PKDCC: variants seen among roughly 807,000 people sequenced by gnomAD.
PKDCC encodes protein kinase domain containing, cytoplasmic.
In PKDCC, 35 loss-of-function variants were observed where a neutral mutation model predicts 44.7. The ratio of observed to expected loss-of-function variants is 0.78; its 90% CI spans 0.60 to 1.04. PKDCC has a LOEUF of 1.04. Ranked by LOEUF, PKDCC falls within the 50% of genes least tolerant of loss-of-function variation. The probability of loss-of-function intolerance (pLI) is 0.00; values close to 1 mark genes in which losing one functional copy is unlikely to be tolerated. For missense variants in PKDCC, 738 were observed against 672.7 expected, an observed-to-expected ratio of 1.10 and a Z score of -1.07; for synonymous variants, 353 against 303.3, an observed-to-expected ratio of 1.16 and a Z score of -1.70.
chr2:42,053,034 G>A (rs1667994353), intron 1 of PKDCC, among the ~76,000 whole-genome samples: 1 of 152,256 alleles, frequency 6.6e-6, no homozygotes, highest in Admixed American at 6.5e-5. Context: ...CGGAAGGGGT[G>A]AGGGGCTGAC....
At position 42,048,526 on chromosome 2, in the gene PKDCC, C is replaced by G; in HGVS notation, c.327C>G (p.Ser109=). The G allele has an allele frequency of 8.2e-7, 1 of 1,212,340 alleles. No individual in the cohort carries two copies. The highest frequency in any genetic ancestry group is 1.0e-6 in the Non-Finnish European group (1 of 980,256). 75.1% of individuals were successfully genotyped at this position (1,212,340 alleles called of 1,614,324 possible). ...RPRPPWARPL[S]DGAPGWPPAP... ...GGCCCCCTTGGGCCCGGCCCCTGTC[C>G]GACGGCGCCCCAGGCTGGCCCCCGG... The change falls in exon 1 of 7, where the codon TCC becomes TCG. Residue 109 remains serine (S), a synonymous_variant. Coordinates refer to ENST00000294964, the MANE Select transcript of PKDCC (RefSeq NM_138370.3). The surrounding 1 kb of genome is among the most constrained non-coding windows in gnomAD (Gnocchi z 6.2).
chr2:42,053,429 C>T, intron 2 of PKDCC, 68 bp downstream of exon 2: 2 of 1,521,792 alleles, frequency 1.3e-6, no homozygotes, highest in African/African-American at 1.4e-5. Context: ...AAGGCCAGCC[C>T]TCCAAAGCAG....
chr2:42,049,684 A>C (rs1667935170), intron 1 of PKDCC, among the ~76,000 whole-genome samples: 1 of 152,142 alleles, frequency 6.6e-6, no homozygotes, highest in Non-Finnish European at 1.5e-5. Flanking sequence ...GCGAGAGCTG[A>C]AACCCCCACC....
rs1411726444 is a variant in PKDCC at position 42,054,082 on chromosome 2, C to T, written c.809C>T (p.Pro270Leu). Residue 270 changes from proline to leucine, a missense_variant, in exon 3 of 7, where the codon CCA becomes CTA. Physicochemically the swap from Pro to Leu is moderately conservative, Grantham distance 98. Coordinates refer to ENST00000294964, the MANE Select transcript of PKDCC (RefSeq NM_138370.3). The surrounding 1 kb of genome is among the most constrained non-coding windows in gnomAD (Gnocchi z 6.1). ...CTCCTCCACCACCTGGCCCACTCCCCACTGGGCTCCGTCACTCTGCTGGAC... is the reference window on the plus strand; with the variant it reads ...CTCCTCCACCACCTGGCCCACTCCCTACTGGGCTCCGTCACTCTGCTGGAC... ...GRLLHHLAHSPLGSVTLLDFR... is the reference protein window; with the variant it reads ...GRLLHHLAHSLLGSVTLLDFR... 2 of 1,612,522 alleles carry T rather than the reference C, an allele frequency of 1.2e-6. No homozygotes were observed. Among genetic ancestry groups the T allele is most frequent in the Non-Finnish European group, 1.7e-6 (2 of 1,179,880 alleles).
chr2:42,048,548 C>G lies in PKDCC; in HGVS notation c.349C>G (p.Pro117Ala). 2 of 1,267,744 alleles carry G rather than the reference C, an allele frequency of 1.6e-6. No individual in the cohort carries two copies. Among genetic ancestry groups the G allele is most frequent in the Non-Finnish European group, 9.9e-7 (1 of 1,014,570 alleles). 78.5% of individuals were successfully genotyped at this position (1,267,744 alleles called of 1,614,324 possible). A position where few individuals can be genotyped will look rare whatever the true frequency, so the allele number is the denominator to read the frequency against. The change falls in exon 1 of 7, where the codon CCG becomes GCG. Residue 117 changes from proline (P) to alanine (A), a missense_variant. By Grantham distance (27) the Pro-to-Ala change is conservative (BLOSUM62 -1). Coordinates refer to ENST00000294964, the MANE Select transcript of PKDCC (RefSeq NM_138370.3). This position sits in a 1 kb window ranked among gnomAD's most constrained non-coding sequence, Gnocchi z 6.2. ...GTCCGACGGCGCCCCAGGCTGGCCC[C>G]CGGCTCCCGGCCCAGGCTCCCCCGG... ...PLSDGAPGWP[P>A]APGPGSPGPG...
chr2:42,053,373 G>A lies in PKDCC; in HGVS notation c.762+12G>A, dbSNP rs1250271027. The A allele has an allele frequency of 1.2e-6, 2 of 1,605,148 alleles. No homozygotes were observed. Among genetic ancestry groups the A allele is most frequent in the Non-Finnish European group, 1.7e-6 (2 of 1,175,544 alleles). On this transcript the variant is annotated intron_variant, in intron 2 of 6. Transcript: ENST00000294964. ...AGGATCGATTCCGAGTGAGCTCAGA[G>A]GAGGGCTCGGGCCCTGGGCTCCTTG...
chr2:42,049,594 G>C (rs1022324700), intron 1 of PKDCC, among the ~76,000 whole-genome samples: 1 of 152,174 alleles, frequency 6.6e-6, no homozygotes, highest in Non-Finnish European at 1.5e-5. Flanking sequence ...AGATAGCCAA[G>C]AGGCTGGAAG....
Position 42,048,424 on chromosome 2 carries a change from CG to C in PKDCC, c.228del (p.Ala79ArgfsTer9). 8.9e-7 allele frequency: 1 copy of C among 1,117,352 alleles called. No individual in the cohort carries two copies. The highest frequency in any genetic ancestry group is 1.1e-6 in the Non-Finnish European group (1 of 918,342). The allele number at this position is 1,117,352 out of a possible 1,614,324, so 69.2% of individuals were successfully genotyped here. A position where few individuals can be genotyped will look rare whatever the true frequency, so the allele number is the denominator to read the frequency against. ...TGCAGCGCTATTCCCGCGGGGGCCC[CG>C]GGCCCGGGGCGGGCCGGCCGGAGCG... is the stretch of plus-strand genomic sequence containing the variant. ...EVQRYSRGGP[G>X]PGAGRPERRR... On this transcript the variant is annotated frameshift_variant, in exon 1 of 7. Transcript: ENST00000294964. LOFTEE classifies it high-confidence loss of function. The surrounding 1 kb of genome is among the most constrained non-coding windows in gnomAD (Gnocchi z 6.2).
In PKDCC at chr2:42,055,662, A is replaced by G. The variant is rs1026370095; in HGVS notation, c.1222+269A>G. The G allele has an allele frequency of 4.7e-6, 2 of 427,238 alleles. No individual in the cohort carries two copies. Among genetic ancestry groups the G allele is most frequent in the East Asian group, 4.1e-5 (1 of 24,298 alleles). The allele number at this position is 427,238 out of a possible 1,614,324, so 26.5% of individuals were successfully genotyped here. A position where few individuals can be genotyped will look rare whatever the true frequency, so the allele number is the denominator to read the frequency against. ...TGGATGGCTCCAAACCCTATCATGT[A>G]CTGGCTATATGACTTTGAGCAAGTT... On this transcript the variant is annotated intron_variant, in intron 5 of 6. Transcript: ENST00000294964. This position sits in a 1 kb window ranked among gnomAD's most constrained non-coding sequence, Gnocchi z 4.5.
intron 1 of PKDCC, among the ~76,000 whole-genome samples, chr2:42,050,370 T>C (rs1225464932): frequency 6.6e-6 from 1 of 151,266 alleles, no homozygotes; most frequent in Non-Finnish European, 1.5e-5. Context: ...AGTGGAGAGG[T>C]CTTGAGTGAC....
At position 42,048,277 on chromosome 2, in the gene PKDCC, C is replaced by A; in HGVS notation, c.78C>A (p.Phe26Leu). The A allele has an allele frequency of 3.9e-6, 5 of 1,278,986 alleles. No individual in the cohort carries two copies. Among genetic ancestry groups the A allele is most frequent in the Non-Finnish European group, 4.0e-6 (4 of 1,006,328 alleles). 79.2% of individuals were successfully genotyped at this position (1,278,986 alleles called of 1,614,324 possible). ...TGGGCTCCGTCCTCAACGTGCTCTT[C>A]GCTCCGGGCTCGGAGCCTCCGAGGC... ...FLLGSVLNVL[F>L]APGSEPPRPG... Residue 26 changes from phenylalanine (F) to leucine (L), a missense_variant, in exon 1 of 7, where the codon TTC becomes TTA. Transcript: ENST00000294964. This position sits in a 1 kb window ranked among gnomAD's most constrained non-coding sequence, Gnocchi z 6.2.
chr2:42,049,415 G>T (rs547143931), intron 1 of PKDCC, among the ~76,000 whole-genome samples: 4 of 152,170 alleles, frequency 2.6e-5, no homozygotes, highest in African/African-American at 9.6e-5. Context: ...ACTGGAAGGG[G>T]GCTGGGGAGC....
At position 42,048,759 on chromosome 2, in the gene PKDCC, G is replaced by A. The variant is rs765504841; in HGVS notation, c.560G>A (p.Gly187Asp). The part of the protein sequence containing the change: ...SCVREFGVRR[G>D]CYRLAAHKLL... ...GTGCGCGAGTTCGGGGTACGGAGGG[G>A]CTGCTATCGGCTGGCGGCCCACAAG... Residue 187 changes from glycine to aspartate, a missense_variant, in exon 1 of 7, where the codon GGC (glycine) becomes GAC (aspartate). Gly to Asp is a moderately conservative substitution (Grantham distance 94). Coordinates refer to ENST00000294964, the MANE Select transcript of PKDCC (RefSeq NM_138370.3). This position sits in a 1 kb window ranked among gnomAD's most constrained non-coding sequence, Gnocchi z 6.2. 1.9e-6 allele frequency: 3 copies of A among 1,579,036 alleles called. No individual in the cohort carries two copies. Among genetic ancestry groups the A allele is most frequent in the South Asian group, 1.1e-5 (1 of 87,320 alleles).
At chr2:42,056,763 A>AAAAAAAAAAG (rs1161692704) in intron 5 of PKDCC, among the ~76,000 whole-genome samples, 1 of 149,380 alleles carries the variant, frequency 6.7e-6, no homozygotes, top group South Asian at 2.1e-4. Context: ...GACCCCATCA[A>AAAAAAAAAAG]AAAAAAAAAG....
chr2:42,053,924 A>G lies in PKDCC; in HGVS notation c.763-112A>G, dbSNP rs1668009694. On this transcript the variant is annotated intron_variant, in intron 2 of 6. Transcript: ENST00000294964. Reference sequence around the variant, plus strand: ...GGAGCCCTGGGGCCTATAGAAGAGAAGTGCCAACCCCCACAAGCAAAGTTC... The same window carrying G: ...GGAGCCCTGGGGCCTATAGAAGAGAGGTGCCAACCCCCACAAGCAAAGTTC... The G allele has an allele frequency of 2.9e-6, 4 of 1,364,108 alleles. No individual in the cohort carries two copies. The African/African-American group carries it at 4.3e-5, about 15-fold the overall frequency. The allele number at this position is 1,364,108 out of a possible 1,614,324, so 84.5% of individuals were successfully genotyped here.
chr2:42,054,412 C>T lies in PKDCC; in HGVS notation c.1034+105C>T. On this transcript the variant is annotated intron_variant, in intron 3 of 6. Transcript: ENST00000294964. This position sits in a 1 kb window ranked among gnomAD's most constrained non-coding sequence, Gnocchi z 6.1. ...AGGCCAGCTGGGCAGGGAGACTCAG[C>T]CTTGACCAGAGCAAGGGAAGGCTTC... 7.3e-7 allele frequency: 1 copy of T among 1,364,098 alleles called. No homozygotes were observed. Among genetic ancestry groups the T allele is most frequent in the Non-Finnish European group, 1.0e-6 (1 of 1,003,398 alleles). 84.5% of individuals were successfully genotyped at this position (1,364,098 alleles called of 1,614,324 possible).
chr2:42,053,292 C>G lies in PKDCC; in HGVS notation c.693C>G (p.Thr231=). 1 of 1,613,874 alleles carries G rather than the reference C, an allele frequency of 6.2e-7. No homozygotes were observed. The highest frequency in any genetic ancestry group is 8.5e-7 in the Non-Finnish European group (1 of 1,179,906). The change falls in exon 2 of 7, where the codon ACC becomes ACG. Residue 231 remains threonine, a synonymous_variant. Coordinates refer to ENST00000294964, the MANE Select transcript of PKDCC (RefSeq NM_138370.3). ...AGGACATCCCAGACACCCTGACCAC[C>G]ATCACGGAGCTGGGCGCCCCTGTAG... ...DSEDIPDTLT[T]ITELGAPVEM...
intron 1 of PKDCC, among the ~76,000 whole-genome samples, chr2:42,050,445 T>A (rs1482642648): frequency 1.3e-5 from 2 of 152,160 alleles, no homozygotes; most frequent in Admixed American, 6.5e-5. Context: ...GGGTTTGATG[T>A]TTGATGTGCT....
At chr2:42,053,199 C>T (rs770328282) in intron 1 of PKDCC, 40 bp from the exon 2 acceptor site, 3 of 1,395,456 alleles carry the variant, frequency 2.1e-6, no homozygotes, top group Non-Finnish European at 2.9e-6. Flanking sequence ...GTCCCCACCC[C>T]CACCCTGTGA....
Sources: gnomAD v4.1 joint callset for allele counts (sites outside exome capture counted in the v4.1 genomes callset) on GRCh38, gnomAD v4.1.1 for gene constraint, Gnocchi (gnomAD v3.1) non-coding constraint, MANE v1.5 for transcripts, NCBI Gene and HGNC (gene_info 2026-07-23, HGNC 2026-07-21) for gene names.